The following NRG3 variants were observed in gnomAD, a reference collection of about 807,000 sequenced individuals.
NRG3 encodes pro-neuregulin-3, membrane-bound isoform.
A neutral mutation model predicts 66.9 loss-of-function variants in NRG3; 31 were observed. That is an observed-to-expected ratio of 0.46 (90% confidence interval 0.35 to 0.63). The LOEUF is 0.63. Ranked by LOEUF, NRG3 falls within the 20% of genes least tolerant of loss-of-function variation. The pLI is 0.00. For synonymous variants in NRG3, 393 were observed against 359.4 expected, an observed-to-expected ratio of 1.09 and a Z score of -1.06; for missense variants, 910 against 878.9, an observed-to-expected ratio of 1.04 and a Z score of -0.45.
At chr10:82,151,207 A>C (rs1353825009) in intron 1 of NRG3, among the ~76,000 whole-genome samples, 3 of 152,236 alleles carry the variant, frequency 2.0e-5, no homozygotes, top group Non-Finnish European at 4.4e-5. Context: ...GGTCTTGCTC[A>C]GCCTTCTGCA....
At chr10:82,375,237 TA>T in intron 2 of NRG3, among the ~76,000 whole-genome samples, 1 of 152,288 alleles carries the variant, frequency 6.6e-6, no homozygotes, top group East Asian at 1.9e-4. Context: ...CCCGAGGCTT[TA>T]AAAAATTACT....
chr10:82,408,089 A>AAGAAAG (rs2087722429), intron 2 of NRG3, among the ~76,000 whole-genome samples: 1 of 54,874 alleles, frequency 1.8e-5, no homozygotes, highest in African/African-American at 7.4e-5. Context: ...GAGAGACAGA[A>AAGAAAG]AGAAAGAAAG....
chr10:82,029,269 C>CCA, intron 1 of NRG3, among the ~76,000 whole-genome samples: 1 of 152,122 alleles, frequency 6.6e-6, no homozygotes, highest in South Asian at 2.1e-4. Flanking sequence ...TGGCTGTGTG[C>CCA]TGTGGAGAAA....
intron 2 of NRG3, among the ~76,000 whole-genome samples, chr10:82,359,502 G>A (rs2083987254): frequency 6.6e-6 from 1 of 152,180 alleles, no homozygotes; most frequent in South Asian, 2.1e-4. Flanking sequence ...TGTTTAATTG[G>A]TTTTTAGAGA....
At chr10:82,376,897 A>G (rs1021548321) in intron 2 of NRG3, among the ~76,000 whole-genome samples, 4 of 152,140 alleles carry the variant, frequency 2.6e-5, no homozygotes, top group Non-Finnish European at 5.9e-5. Flanking sequence ...CAATCTGTAC[A>G]TGGATGAAGT....
At chr10:82,507,049 T>C (rs28542451) in intron 2 of NRG3, among the ~76,000 whole-genome samples, 8,646 of 152,094 alleles carry the variant, frequency 0.057, 533 homozygotes, top group East Asian at 0.17. Context: ...GAGGTGAAAA[T>C]TGTGTTCAGA....
chr10:82,793,022 T>C (rs2060652976), intron 3 of NRG3, among the ~76,000 whole-genome samples: 1 of 151,942 alleles, frequency 6.6e-6, no homozygotes, highest in Non-Finnish European at 1.5e-5. Context: ...AAACTCAGAG[T>C]TTTCTTCTCT....
chr10:82,933,365 G>A (rs943558885), intron 4 of NRG3, among the ~76,000 whole-genome samples: 2 of 152,116 alleles, frequency 1.3e-5, no homozygotes, highest in Non-Finnish European at 2.9e-5. Flanking sequence ...TACCTCTGCT[G>A]CACAACCACT....
chr10:82,375,636 C>A lies in NRG3; in HGVS notation c.953+16768C>A. Among the ~76,000 whole-genome samples, 3 of 152,088 alleles carry A rather than the reference C, an allele frequency of 2.0e-5. No individual in the cohort carries two copies. The Middle Eastern group carries it at 0.01, about 517-fold the overall frequency. On this transcript the variant is annotated intron_variant, in intron 2 of 8. Transcript: ENST00000372141. ...ACGCTAAGTGAATTTTACAATGGAA[C>A]ATGGACTTTTCAAAGGGACGATTCT...
At chr10:82,807,256 G>A (rs1019603845) in intron 3 of NRG3, among the ~76,000 whole-genome samples, 2 of 152,152 alleles carry the variant, frequency 1.3e-5, no homozygotes, top group African/African-American at 2.4e-5. Context: ...TATTTAGGGG[G>A]CATCTTGACT....
intron 2 of NRG3, among the ~76,000 whole-genome samples, chr10:82,475,281 C>G (rs1313484485): frequency 6.6e-6 from 1 of 151,920 alleles, no homozygotes; most frequent in Non-Finnish European, 1.5e-5. Context: ...AATACTAACA[C>G]CAATTTTATT....
At chr10:82,322,719 A>G (rs1419556824) in intron 1 of NRG3, among the ~76,000 whole-genome samples, 1 of 152,190 alleles carries the variant, frequency 6.6e-6, no homozygotes, top group Non-Finnish European at 1.5e-5. Context: ...TAACAGAATC[A>G]GTTCTTGTGA....
At chr10:82,192,780 T>A (rs2074228457) in intron 1 of NRG3, among the ~76,000 whole-genome samples, 2 of 152,110 alleles carry the variant, frequency 1.3e-5, no homozygotes, top group African/African-American at 4.8e-5. Flanking sequence ...AGAGACTACA[T>A]AAAGAGCGAA....
intron 1 of NRG3, among the ~76,000 whole-genome samples, chr10:82,295,372 A>G (rs2079999752): frequency 6.6e-6 from 1 of 152,186 alleles, no homozygotes; most frequent in Non-Finnish European, 1.5e-5. Context: ...GGTGCATTGT[A>G]GTGGAATGAA....
intron 2 of NRG3, among the ~76,000 whole-genome samples, chr10:82,646,749 A>C (rs1344719054): frequency 6.6e-6 from 1 of 152,060 alleles, no homozygotes; most frequent in Non-Finnish European, 1.5e-5. Flanking sequence ...ATTGGTGTTA[A>C]GCATGGTGGG....
chr10:82,158,809 C>T (rs2071365563), intron 1 of NRG3, among the ~76,000 whole-genome samples: 1 of 151,806 alleles, frequency 6.6e-6, no homozygotes, highest in Non-Finnish European at 1.5e-5. Context: ...AACCACTGTC[C>T]TTGATTAAAA....
chr10:82,381,008 A>G (rs968425445), intron 2 of NRG3, among the ~76,000 whole-genome samples: 1 of 152,186 alleles, frequency 6.6e-6, no homozygotes, highest in Non-Finnish European at 1.5e-5. Context: ...ATAATATTAA[A>G]TGCAAAAAGC....
chr10:82,132,958 T>A (rs1230809570), intron 1 of NRG3, among the ~76,000 whole-genome samples: 2 of 152,016 alleles, frequency 1.3e-5, no homozygotes, highest in Admixed American at 1.3e-4. Flanking sequence ...ATCTTCTCTT[T>A]TTGTAGTTAG....
intron 2 of NRG3, among the ~76,000 whole-genome samples, chr10:82,647,742 T>C (rs533152349): frequency 2.3e-4 from 35 of 152,266 alleles, no homozygotes; most frequent in Middle Eastern, 3.4e-3. Flanking sequence ...GATTTGCATT[T>C]TTTGATGGCC....
Sources: allele counts gnomAD v4.1 joint callset (sites outside exome capture counted in the v4.1 genomes callset), GRCh38; gene constraint gnomAD v4.1.1; transcripts MANE v1.5; gene names NCBI Gene and HGNC (gene_info 2026-07-23, HGNC 2026-07-21).